TP63: variants seen among roughly 807,000 people sequenced by gnomAD.
The protein encoded by TP63 is tumor protein 63.
TP63 carries 17 observed loss-of-function variants against 82.8 expected under a neutral mutation model. The ratio of observed to expected loss-of-function variants is 0.21; its 90% confidence interval spans 0.14 to 0.31. The LOEUF (loss-of-function observed/expected upper bound fraction) is 0.31, where lower values mean the gene tolerates loss of function less well. Among genes scored for constraint, TP63 ranks in the 10% least tolerant of loss-of-function variants. The pLI is 1.00. For missense variants in TP63, 648 were observed against 895.3 expected (o/e 0.72, Z 3.52); for synonymous variants, 330 against 321.7 (o/e 1.03, Z -0.28).
chr3:189,712,070 A>G (rs536127824), intron 1 of TP63, among the ~76,000 whole-genome samples: 1 of 152,328 alleles, frequency 6.6e-6, no homozygotes, highest in South Asian at 2.1e-4. Flanking sequence ...AAAGGAAAAC[A>G]CAGAACAATT....
At chr3:189,769,431 G>A (rs1723177777) in intron 3 of TP63, among the ~76,000 whole-genome samples, 1 of 152,078 alleles carries the variant, frequency 6.6e-6, no homozygotes, top group Non-Finnish European at 1.5e-5. Flanking sequence ...TACATTTGTG[G>A]TTATTTCAGT....
chr3:189,783,276 G>GT (rs1724364157), intron 3 of TP63, among the ~76,000 whole-genome samples: 1 of 151,860 alleles, frequency 6.6e-6, no homozygotes, highest in African/African-American at 2.4e-5. Flanking sequence ...AGATACATAT[G>GT]TACATACTTA....
chr3:189,870,090 A>G (rs900722326), intron 9 of TP63, among the ~76,000 whole-genome samples: 1 of 152,314 alleles, frequency 6.6e-6, no homozygotes, highest in Non-Finnish European at 1.5e-5. Context: ...TTTGAGAATG[A>G]TAAGATTATC....
upstream of TP63, among the ~76,000 whole-genome samples, chr3:189,628,637 G>A (rs763752121): frequency 1.3e-4 from 20 of 152,074 alleles, no homozygotes; most frequent in Non-Finnish European, 1.9e-4. Context: ...TTCTATGTAC[G>A]TTATTATATT....
chr3:189,781,500 G>A (rs12487991), intron 3 of TP63, among the ~76,000 whole-genome samples: 18,015 of 152,138 alleles, frequency 0.12, 1,176 homozygotes, highest in East Asian at 0.33. Context: ...AACCAGAGAC[G>A]GACGCTAGAA....
chr3:189,741,315 A>C (rs6779677), intron 3 of TP63, among the ~76,000 whole-genome samples: 92,779 of 151,928 alleles, frequency 0.61, 28,519 homozygotes, highest in East Asian at 0.78. Context: ...ATGTGGAAGG[A>C]CACAAAAATG....
the TP63 span, among the ~76,000 whole-genome samples, chr3:189,622,018 C>T: frequency 5.3e-5 from 8 of 152,218 alleles, no homozygotes; most frequent in Non-Finnish European, 8.8e-5. Flanking sequence ...GGGGTCACCC[C>T]GTGGGGATTC....
At chr3:189,863,723 ACT>A (rs1717330391) in intron 4 of TP63, among the ~76,000 whole-genome samples, 1 of 142,214 alleles carries the variant, frequency 7.0e-6, no homozygotes, top group East Asian at 2.0e-4. Context: ...AAATCTCTTC[ACT>A]CTCTAACAGA....
intron 1 of TP63, among the ~76,000 whole-genome samples, chr3:189,686,461 A>G (rs1716446767): frequency 6.6e-6 from 1 of 152,080 alleles, no homozygotes; most frequent in Non-Finnish European, 1.5e-5. Flanking sequence ...TTTGGGGATC[A>G]TGGACCCTCA....
intron 3 of TP63, among the ~76,000 whole-genome samples, chr3:189,755,485 T>C (rs931190509): frequency 4.1e-4 from 62 of 152,150 alleles, no homozygotes; most frequent in Middle Eastern, 3.2e-3. Flanking sequence ...AATATACTTC[T>C]TTCATTCTAT....
At chr3:189,841,931 G>A (rs1714180098) in intron 4 of TP63, among the ~76,000 whole-genome samples, 1 of 152,174 alleles carries the variant, frequency 6.6e-6, no homozygotes, top group Admixed American at 6.5e-5. Context: ...CAGGCAGGAC[G>A]CTGAGCTCTA....
rs542467937 is a variant in TP63, at chr3:189,653,111, A to C, written c.62+21534A>C. On this transcript the variant is annotated intron_variant, in intron 1 of 13. Transcript: ENST00000264731. ...CCAGATAAGTATGGCATCGCAGAAA[A>C]TAGGAAATAAATGGAGAATTTAATA... Among the ~76,000 whole-genome samples the C allele has an allele frequency of 3.9e-5, 6 of 152,288 alleles. 2 individuals carry two copies. The East Asian group carries it at 1.2e-3, about 29-fold the overall frequency.
intron 4 of TP63, among the ~76,000 whole-genome samples, chr3:189,846,351 AT>A (rs1443339658): frequency 1.3e-5 from 2 of 152,122 alleles, no homozygotes; most frequent in African/African-American, 4.8e-5. Context: ...AGTTTAGTTC[AT>A]TTGTTAGTTT....
chr3:189,837,204 A>C (rs966096634), intron 4 of TP63, among the ~76,000 whole-genome samples: 2 of 143,740 alleles, frequency 1.4e-5, no homozygotes, highest in African/African-American at 4.9e-5. Context: ...CCTCTGTTCA[A>C]AACATTTTTT....
At chr3:189,611,580 C>T in the TP63 span, among the ~76,000 whole-genome samples, 1 of 152,166 alleles carries the variant, frequency 6.6e-6, no homozygotes, top group African/African-American at 2.4e-5. Context: ...ATGATGCCTC[C>T]AGCTTTGTTC....
At chr3:189,640,635 A>G (rs139786451) in intron 1 of TP63, among the ~76,000 whole-genome samples, 2 of 152,252 alleles carry the variant, frequency 1.3e-5, no homozygotes, top group Non-Finnish European at 2.9e-5. Flanking sequence ...GTGCCAGCCT[A>G]TGTTCCTACA....
intron 12 of TP63, among the ~76,000 whole-genome samples, chr3:189,890,186 C>T (rs777514434): frequency 6.6e-6 from 1 of 152,126 alleles, no homozygotes; most frequent in African/African-American, 2.4e-5. Flanking sequence ...TTTCCTGCTA[C>T]GTCAATCACA....
chr3:189,642,833 A>G (rs957216509), intron 1 of TP63, among the ~76,000 whole-genome samples: 9 of 151,924 alleles, frequency 5.9e-5, no homozygotes, highest in African/African-American at 1.9e-4. Flanking sequence ...TAAATTCTAT[A>G]TAGAAATGAT....
rs538266716 is a variant in TP63, at chr3:189,850,764, AATTAT to A, written c.580-13463_580-13459del. 4.6e-5 allele frequency among the ~76,000 whole-genome samples: 7 copies of A among 152,304 alleles called. No individual in the cohort carries two copies. The South Asian group carries it at 1.4e-3, about 32-fold the overall frequency. ...TAAAAAAAATTTTAAGGACACGCAA[AATTAT>A]ATTACATATATTTATGGATGTGTAT... On this transcript the variant is annotated intron_variant, in intron 4 of 13. Coordinates refer to ENST00000264731, the MANE Select transcript of TP63 (RefSeq NM_003722.5).
Sources: gnomAD v4.1 joint callset for allele counts (sites outside exome capture counted in the v4.1 genomes callset) on GRCh38, gnomAD v4.1.1 for gene constraint, MANE v1.5 for transcripts, NCBI Gene and HGNC (gene_info 2026-07-23, HGNC 2026-07-21) for gene names.